The following YTHDC2 variants were observed in gnomAD, a reference collection of about 807,000 sequenced individuals.
The protein encoded by YTHDC2 is YTH N6-methyladenosine RNA binding protein C2, also known as 3'-5' RNA helicase YTHDC2.
Under a neutral mutation model 174.9 loss-of-function variants are expected in YTHDC2, and 45 were observed. The ratio of observed to expected loss-of-function variants is 0.26; its 90% confidence interval spans 0.20 to 0.33. The LOEUF (loss-of-function observed/expected upper bound fraction) is 0.33, where lower values mean the gene tolerates loss of function less well. YTHDC2 is among the 10% of genes least tolerant of loss of function. YTHDC2 has a pLI of 1.00. For synonymous variants in YTHDC2, 657 were observed against 574.5 expected (o/e 1.14, Z -2.05); for missense variants, 1,650 against 1,723.7 (o/e 0.96, Z 0.76).
At chr5:113,561,982 G>GTT (rs1251753763) in intron 18 of YTHDC2, among the ~76,000 whole-genome samples, 2 of 129,842 alleles carry the variant, frequency 1.5e-5, no homozygotes, top group Admixed American at 1.5e-4. Flanking sequence ...GTGTGTGTGT[G>GTT]TGTGTGTGTG....
Position 113,561,188 on chromosome 5 carries a change from A to G in YTHDC2, c.2322+3A>G, listed in dbSNP as rs764418706. The stretch of plus-strand genomic sequence containing the variant: ...AACTTTTGAGAATGCCATTACAGGT[A>G]AAAATTTATTTAAATATAAAAGGCA... On this transcript the variant is annotated splice_donor_region_variant and intron_variant, in intron 18 of 29. Coordinates refer to ENST00000161863, the MANE Select transcript of YTHDC2 (RefSeq NM_022828.5). 6.8e-6 allele frequency: 11 copies of G among 1,609,368 alleles called. No homozygotes were observed. In the South Asian group the frequency reaches 1.2e-4, roughly 18 times the overall value.
At chr5:113,522,778 A>C (rs1267729442) in intron 2 of YTHDC2, among the ~76,000 whole-genome samples, 1 of 152,138 alleles carries the variant, frequency 6.6e-6, no homozygotes, top group Non-Finnish European at 1.5e-5. Flanking sequence ...AAATTTCATT[A>C]ATCCTTTTAT....
At chr5:113,586,523 A>C (rs1045098400) in intron 26 of YTHDC2, among the ~76,000 whole-genome samples, 1 of 151,732 alleles carries the variant, frequency 6.6e-6, no homozygotes, top group Non-Finnish European at 1.5e-5. Context: ...GATGGAGTCC[A>C]TTTCATCAGC....
intron 23 of YTHDC2, among the ~76,000 whole-genome samples, chr5:113,569,335 A>G (rs893458022): frequency 1.3e-5 from 2 of 152,074 alleles, no homozygotes; most frequent in Non-Finnish European, 2.9e-5. Context: ...GCTGTGCAGA[A>G]ACTTTAGTTT....
At chr5:113,515,602 A>C (rs1276124732) in intron 2 of YTHDC2, among the ~76,000 whole-genome samples, 1 of 151,434 alleles carries the variant, frequency 6.6e-6, no homozygotes, top group Non-Finnish European at 1.5e-5. Context: ...TTTTTCTTCT[A>C]CCCAGCTTAG....
At chr5:113,580,365 A>G (rs955952310) in intron 24 of YTHDC2, among the ~76,000 whole-genome samples, 9 of 152,096 alleles carry the variant, frequency 5.9e-5, no homozygotes, top group African/African-American at 9.7e-5. Context: ...GTGTTTTCTG[A>G]GAGAAAGATA....
intron 26 of YTHDC2, 92 bp from the exon 27 acceptor site, chr5:113,590,949 T>C: frequency 9.9e-7 from 1 of 1,011,430 alleles, no homozygotes; most frequent in Non-Finnish European, 1.4e-6. Context: ...TAAAATATTT[T>C]GGCTTATATG....
rs747885523 is a variant in YTHDC2, at chr5:113,556,046, T to C, written c.2134-6T>C. ...TTCTAACATAAAGATGGTTTAAATATTACAGAAATCCTTTGATGCTCTGAA... is the reference window on the plus strand; with the variant it reads ...TTCTAACATAAAGATGGTTTAAATACTACAGAAATCCTTTGATGCTCTGAA... On this transcript the variant is annotated splice_region_variant and splice_polypyrimidine_tract_variant and intron_variant, in intron 16 of 29. Coordinates refer to ENST00000161863, the MANE Select transcript of YTHDC2 (RefSeq NM_022828.5). 2.6e-6 allele frequency: 4 copies of C among 1,554,454 alleles called. No homozygotes were observed. In the African/African-American group the frequency reaches 4.1e-5, roughly 16 times the overall value.
intron 4 of YTHDC2, among the ~76,000 whole-genome samples, chr5:113,532,273 C>T (rs549588362): frequency 1.3e-4 from 20 of 151,364 alleles, no homozygotes; most frequent in Non-Finnish European, 2.2e-4. Context: ...TTGTGTAAAA[C>T]TTTTTTTTTC....
intron 23 of YTHDC2, among the ~76,000 whole-genome samples, chr5:113,577,002 G>T (rs1778095990): frequency 6.6e-6 from 1 of 152,124 alleles, no homozygotes; most frequent in East Asian, 1.9e-4. Context: ...ACCATGTTGA[G>T]TTGATTCTGG....
Position 113,563,866 on chromosome 5 carries a change from A to G in YTHDC2, c.2450A>G (p.Asp817Gly). 7 of 1,614,178 alleles carry G rather than the reference A, an allele frequency of 4.3e-6. No individual in the cohort carries two copies. The highest frequency in any genetic ancestry group is 5.9e-6 in the Non-Finnish European group (7 of 1,180,026). ...RNAVQMLKTI[D>G]AMDTWEDLTE... ...CTGTCTCCTTTTACTTAGACAATAGATGCAATGGATACATGGGAAGATCTG... is the reference window on the plus strand; with the variant it reads ...CTGTCTCCTTTTACTTAGACAATAGGTGCAATGGATACATGGGAAGATCTG... The change falls in exon 20 of 30, where the codon GAT (aspartate) becomes GGT (glycine). Residue 817 changes from aspartate (D) to glycine (G), a missense_variant. By Grantham distance (94) the Asp-to-Gly change is moderately conservative (BLOSUM62 -1). Transcript: ENST00000161863.
At chr5:113,529,715 A>G (rs144501060) in intron 4 of YTHDC2, among the ~76,000 whole-genome samples, 2,998 of 151,906 alleles carry the variant, frequency 0.02, 327 homozygotes, top group Admixed American at 0.17. Context: ...TATTTTTTAG[A>G]GTGCTTTATT....
At chr5:113,549,094 A>C (rs1366515916) in intron 12 of YTHDC2, 74 bp downstream of exon 12, 1 of 1,287,234 alleles carries the variant, frequency 7.8e-7, no homozygotes, top group Non-Finnish European at 1.1e-6. Flanking sequence ...ATTATGGGCT[A>C]TTCAAATGTA....
intron 10 of YTHDC2, among the ~76,000 whole-genome samples, chr5:113,548,268 A>G (rs1264004597): frequency 6.6e-6 from 1 of 152,186 alleles, no homozygotes; most frequent in African/African-American, 2.4e-5. Flanking sequence ...TGTTGAAATA[A>G]TATAGATGAG....
chr5:113,566,102 T>C (rs1777312061), intron 21 of YTHDC2, 83 bp downstream of exon 21: 21 of 1,356,564 alleles, frequency 1.5e-5, no homozygotes, highest in Non-Finnish European at 2.1e-5. Context: ...TGTTAACTGA[T>C]GCCATCTATT....
rs1223172960 is a variant in YTHDC2, at chr5:113,515,327, C to T, written c.243C>T (p.Leu81=). ...TSTERAFIHR[L]SQSLGLVSKS... ...CTGAAAGAGCCTTTATTCATCGACT[C>T]AGTCAGTCTCTTGGTTTGGTCTCTA... Residue 81 remains leucine (L), a synonymous_variant, in exon 2 of 30, where the codon CTC becomes CTT. Transcript: ENST00000161863. The T allele has an allele frequency of 1.2e-6, 2 of 1,612,724 alleles. No individual in the cohort carries two copies. The highest frequency in any genetic ancestry group is 8.5e-7 in the Non-Finnish European group (1 of 1,179,734).
rs770990302 is a variant in YTHDC2 at position 113,592,190 on chromosome 5, C to CTT, written c.4212+12_4212+13insTT. 1.3e-4 allele frequency: 195 copies of CTT among 1,479,756 alleles called. No homozygotes were observed. In the African/African-American group the frequency reaches 3.6e-3, roughly 27 times the overall value. 91.7% of individuals were successfully genotyped at this position (1,479,756 alleles called of 1,614,324 possible). A position where few individuals can be genotyped will look rare whatever the true frequency, so the allele number is the denominator to read the frequency against. ...GCAGGGATGGGCAGGTATACAATGG[C>CTT]ATTTTTTTTTTTATTTACTTTTGTT... On this transcript the variant is annotated intron_variant, in intron 28 of 29. Transcript: ENST00000161863.
Position 113,563,493 on chromosome 5 carries a change from G to C in YTHDC2, c.2442+1G>C. ...AAGAAATGCTGTACAAATGCTTAAG[G>C]TTGGTGTCTTCATAGTTTTATTTTA... is the stretch of plus-strand genomic sequence containing the variant. On this transcript the variant is annotated splice_donor_variant, in intron 19 of 29. Coordinates refer to ENST00000161863, the MANE Select transcript of YTHDC2 (RefSeq NM_022828.5). LOFTEE classifies it high-confidence loss of function. 6.3e-7 allele frequency: 1 copy of C among 1,595,516 alleles called. No individual in the cohort carries two copies. The highest frequency in any genetic ancestry group is 8.5e-7 in the Non-Finnish European group (1 of 1,172,486).
chr5:113,528,648 A>G (rs948418379), intron 4 of YTHDC2, among the ~76,000 whole-genome samples: 2 of 152,094 alleles, frequency 1.3e-5, no homozygotes, highest in African/African-American at 4.8e-5. Flanking sequence ...AGCTAGGACT[A>G]TAGGTGCATG....
Sources: allele counts gnomAD v4.1 joint callset (sites outside exome capture counted in the v4.1 genomes callset), GRCh38; gene constraint gnomAD v4.1.1; transcripts MANE v1.5; gene names NCBI Gene and HGNC (gene_info 2026-07-23, HGNC 2026-07-21).